The following A2M variants were observed in gnomAD, a reference collection of about 807,000 sequenced individuals.
A2M encodes the protein alpha-2-macroglobulin, also known as C3 and PZP-like alpha-2-macroglobulin domain-containing protein 5.
A neutral mutation model predicts 183.9 loss-of-function variants in A2M; 128 were observed. The ratio of observed to expected loss-of-function variants is 0.70; its 90% CI spans 0.60 to 0.81. A2M has a LOEUF of 0.81. Ranked by LOEUF, A2M falls within the 30% of genes least tolerant of loss-of-function variation. The probability of loss-of-function intolerance (pLI) is 0.00; values close to 1 mark genes in which losing one functional copy is unlikely to be tolerated. For synonymous variants in A2M, 592 were observed against 670.8 expected (o/e 0.88, Z 1.81); for missense variants, 1,495 against 1,787.6 (o/e 0.84, Z 2.95).
Position 9,107,611 on chromosome 12 carries a change from C to A in A2M, c.792G>T (p.Val264=). ...TATACTTTCTGCAAATGCTCACAGT[C>A]ACATGTCCAGGGACAGGCTTCCCAT... ...YTYGKPVPGH[V]TVSICRKYSD... is the part of the protein sequence containing the mutation. Residue 264 remains valine (V), a synonymous_variant, in exon 8 of 36, where the codon GTG becomes GTT. Coordinates refer to ENST00000318602, the MANE Select transcript of A2M (RefSeq NM_000014.6). 6.2e-7 allele frequency: 1 copy of A among 1,614,002 alleles called. No individual in the cohort carries two copies. The highest frequency in any genetic ancestry group is 1.1e-5 in the South Asian group (1 of 91,078).
intron 22 of A2M, among the ~76,000 whole-genome samples, chr12:9,087,875 C>T (rs1461326844): frequency 6.7e-6 from 1 of 150,114 alleles, no homozygotes; most frequent in East Asian, 1.9e-4. Flanking sequence ...TTGGATCTAC[C>T]CTAGCTGTAC....
chr12:9,076,756 C>T lies in A2M; in HGVS notation c.3532G>A (p.Asp1178Asn). ...AGAAGGATCTCAGGTGTGCTCTCAC[C>T]TTTCTTCACAGCTTCCTCATTAAGT... ...KSLNEEAVKK[D>N]NSVHWERPQK... Residue 1178 changes from aspartate to asparagine, a missense_variant and splice_region_variant, in exon 28 of 36, where the codon GAC becomes AAC. Physicochemically the swap from Asp to Asn is conservative, Grantham distance 23. Coordinates refer to ENST00000318602, the MANE Select transcript of A2M (RefSeq NM_000014.6). The T allele has an allele frequency of 2.5e-6, 4 of 1,613,900 alleles. No individual in the cohort carries two copies. The highest frequency in any genetic ancestry group is 3.4e-6 in the Non-Finnish European group (4 of 1,179,844).
Position 9,080,161 on chromosome 12 carries a change from T to A in A2M, c.2787A>T (p.Glu929Asp). ...LLCPSGGEVS[E>D]ELSLKLPPNV... ...TTGGTGGCAGTTTCAGGGATAATTC[T>A]TCAGAAACCTCACCACCTAGAGAAA... The change falls in exon 23 of 36, where the codon GAA becomes GAT. Residue 929 changes from glutamate (E) to aspartate (D), a missense_variant. By Grantham distance (45) the Glu-to-Asp change is conservative. Coordinates refer to ENST00000318602, the MANE Select transcript of A2M (RefSeq NM_000014.6). 6.3e-7 allele frequency: 1 copy of A among 1,583,810 alleles called. No homozygotes were observed. Among genetic ancestry groups the A allele is most frequent in the Non-Finnish European group, 8.6e-7 (1 of 1,163,480 alleles).
chr12:9,102,743 A>T (rs1937981729), intron 11 of A2M, among the ~76,000 whole-genome samples: 1 of 152,228 alleles, frequency 6.6e-6, no homozygotes, highest in African/African-American at 2.4e-5. Flanking sequence ...GATCACCCCA[A>T]ACAGGGAACA....
Position 9,077,767 on chromosome 12 carries a change from G to C in A2M, c.3210C>G (p.Leu1070=). ...EAHITQALIW[L]SQRQKDNGCF... ...AGCCATTGTCCTTCTGCCTCTGGGA[G>C]AGCCATATGAGGGCTTGGGTAATGT... Residue 1070 remains leucine (L), a synonymous_variant, in exon 26 of 36, where the codon CTC becomes CTG. Coordinates refer to ENST00000318602, the MANE Select transcript of A2M (RefSeq NM_000014.6). 4 of 1,614,206 alleles carry C rather than the reference G, an allele frequency of 2.5e-6. No individual in the cohort carries two copies. Among genetic ancestry groups the C allele is most frequent in the Non-Finnish European group, 3.4e-6 (4 of 1,180,032 alleles).
Position 9,099,484 on chromosome 12 carries a change from T to A in A2M, c.1598A>T (p.Asp533Val). 1.2e-6 allele frequency: 2 copies of A among 1,610,508 alleles called. No homozygotes were observed. Among genetic ancestry groups the A allele is most frequent in the South Asian group, 2.2e-5 (2 of 89,730 alleles). Residue 533 changes from aspartate to valine, a missense_variant, in exon 14 of 36, where the codon GAC becomes GTC. Coordinates refer to ENST00000318602, the MANE Select transcript of A2M (RefSeq NM_000014.6). Reference sequence around the variant, plus strand: ...GAGCAACCGAGCGACAGGAGCAATGTCTGACTTCACAGGGATTGAGATGGA... The same window carrying A: ...GAGCAACCGAGCGACAGGAGCAATGACTGACTTCACAGGGATTGAGATGGA... ...HFSISIPVKS[D>V]IAPVARLLIY...
rs753121929 is a variant in A2M, at chr12:9,091,290, C to A, written c.2380G>T (p.Val794Leu). 3.6e-5 allele frequency: 58 copies of A among 1,614,004 alleles called. No homozygotes were observed. In the African/African-American group the frequency reaches 5.1e-4, roughly 14 times the overall value. ...ACAGAGTAAGGCATTGTGAGCTCCA[C>A]AAAGAAGGGCTGGAAGGCTCGGAGA... ...ASLRAFQPFF[V>L]ELTMPYSVIR... The change falls in exon 19 of 36, where the codon GTG becomes TTG. Residue 794 changes from valine to leucine, a missense_variant. Transcript: ENST00000318602.
chr12:9,090,532 A>T, intron 19 of A2M, 50 bp from the exon 20 acceptor site: 1 of 1,594,370 alleles, frequency 6.3e-7, no homozygotes, highest in South Asian at 1.1e-5. Flanking sequence ...GAACAGAGGG[A>T]GAATGGGTTT....
intron 33 of A2M, 110 bp downstream of exon 33, chr12:9,069,635 C>T (rs888574832): frequency 1.2e-5 from 9 of 739,812 alleles, no homozygotes; most frequent in Non-Finnish European, 4.4e-6. Context: ...TTAGAATTCT[C>T]AAATTTCTAG....
intron 1 of A2M, 138 bp downstream of exon 1, chr12:9,115,626 A>T (rs1939059708): frequency 1.5e-6 from 1 of 674,942 alleles, no homozygotes; most frequent in Non-Finnish European, 2.5e-6. Flanking sequence ...AGTAAACTAG[A>T]TTTGTAAAAT....
intron 7 of A2M, 77 bp from the exon 8 acceptor site, chr12:9,107,721 T>G: frequency 1.3e-6 from 2 of 1,538,938 alleles, no homozygotes; most frequent in Non-Finnish European, 8.9e-7. Context: ...TATCTCCCCT[T>G]TAGCTACAGT....
chr12:9,069,936 A>G (rs1948516318), intron 32 of A2M, 123 bp from the exon 33 acceptor site: 6 of 801,430 alleles, frequency 7.5e-6, no homozygotes, highest in Non-Finnish European at 1.3e-5. Context: ...GCTTTTTGTA[A>G]GGAAATATAT....
chr12:9,068,618 G>A (rs1458375393), intron 34 of A2M, 122 bp downstream of exon 34: 3 of 810,172 alleles, frequency 3.7e-6, no homozygotes, highest in Non-Finnish European at 6.0e-6. Context: ...CAGACTTGAT[G>A]GAGACAAAAT....
chr12:9,069,540 C>T (rs1948501860), intron 33 of A2M, among the ~76,000 whole-genome samples: 1 of 152,056 alleles, frequency 6.6e-6, no homozygotes, highest in Non-Finnish European at 1.5e-5. Flanking sequence ...ATATTCATAT[C>T]CCAAGATCAT....
chr12:9,097,764 C>T (rs1191467453), intron 15 of A2M, among the ~76,000 whole-genome samples: 2 of 151,696 alleles, frequency 1.3e-5, no homozygotes, highest in Non-Finnish European at 2.9e-5. Flanking sequence ...TCCTGAGTAG[C>T]TGGGATGACA....
chr12:9,108,470 T>C (rs1458183849), intron 7 of A2M, among the ~76,000 whole-genome samples: 1 of 152,208 alleles, frequency 6.6e-6, no homozygotes, highest in Non-Finnish European at 1.5e-5. Flanking sequence ...AAATATGTCA[T>C]AGACAATTGC....
rs199626056 is a variant in A2M, at chr12:9,093,570, A to G, written c.2135T>C (p.Val712Ala). Reference protein sequence around the residue: ...GLRVGFYESDVMGRGHARLVH... With the variant: ...GLRVGFYESDAMGRGHARLVH... ...CAGGCGTGCATGGCCTCTTCCCATT[A>G]CATCTGACTCTATGGTGAGTGAGGA... The change falls in exon 18 of 36, where the codon GTA becomes GCA. Residue 712 changes from valine to alanine, a missense_variant. By Grantham distance (64) the Val-to-Ala change is moderately conservative. Coordinates refer to ENST00000318602, the MANE Select transcript of A2M (RefSeq NM_000014.6). The G allele has an allele frequency of 1.3e-6, 2 of 1,592,516 alleles. No individual in the cohort carries two copies. The highest frequency in any genetic ancestry group is 2.8e-5 in the African/African-American group (2 of 72,098).
chr12:9,098,430 T>TTATA (rs56165810), intron 15 of A2M, 177 bp downstream of exon 15: 59 of 285,984 alleles, frequency 2.1e-4, no homozygotes, highest in Non-Finnish European at 2.8e-4. Flanking sequence ...AAGTGAGTAG[T>TTATA]TATATATATA....
intron 15 of A2M, among the ~76,000 whole-genome samples, chr12:9,096,407 G>A (rs902313702): frequency 4.6e-5 from 7 of 152,302 alleles, no homozygotes; most frequent in African/African-American, 1.7e-4. Context: ...TGCTTATCTT[G>A]TGGTGAGCAA....
Sources: allele counts gnomAD v4.1 joint callset (sites outside exome capture counted in the v4.1 genomes callset), GRCh38; gene constraint gnomAD v4.1.1; transcripts MANE v1.5; gene names NCBI Gene and HGNC (gene_info 2026-07-23, HGNC 2026-07-21).